Variants in MYO5C observed in about 807,000 individuals in gnomAD.
MYO5C encodes myosin VC.
MYO5C carries 194 observed loss-of-function variants against 235.7 expected under a neutral mutation model. That is an observed-to-expected ratio of 0.82 (90% CI 0.73 to 0.93). The LOEUF (loss-of-function observed/expected upper bound fraction) is 0.93. Ranked by LOEUF, MYO5C falls within the 40% of genes least tolerant of loss-of-function variation. The pLI, the probability that MYO5C is intolerant of heterozygous loss-of-function variation, is 0.00. For missense variants in MYO5C, 2,038 were observed against 2,127.2 expected (o/e 0.96, Z 0.82); for synonymous variants, 707 against 754.8 (o/e 0.94, Z 1.04).
intron 40 of MYO5C, among the ~76,000 whole-genome samples, chr15:52,195,027 A>G (rs1421947050): frequency 2.0e-5 from 3 of 152,172 alleles, no homozygotes; most frequent in Non-Finnish European, 2.9e-5. Flanking sequence ...TAGGGATTAT[A>G]TAAGAAAAAA....
chr15:52,264,228 G>T lies in MYO5C; in HGVS notation c.1009C>A (p.Gln337Lys). 1 of 1,613,932 alleles carries T rather than the reference G, an allele frequency of 6.2e-7. No individual in the cohort carries two copies. The highest frequency in any genetic ancestry group is 1.6e-4 in the Middle Eastern group (1 of 6,062). ...CTCTCGTTGCCCACCGCGGTGATCTGCACATTGCCCAGATGTAGGATGGCT... is the reference window on the plus strand; with the variant it reads ...CTCTCGTTGCCCACCGCGGTGATCTTCACATTGCCCAGATGTAGGATGGCT... ...LAAILHLGNV[Q>K]ITAVGNERSS... Residue 337 changes from glutamine (Q) to lysine (K), a missense_variant, in exon 9 of 41, where the codon CAG becomes AAG. Gln to Lys is a moderately conservative substitution (Grantham distance 53). Coordinates refer to ENST00000261839, the MANE Select transcript of MYO5C (RefSeq NM_018728.4).
At chr15:52,241,510 C>T (rs1264875131) in intron 20 of MYO5C, among the ~76,000 whole-genome samples, 7 of 152,238 alleles carry the variant, frequency 4.6e-5, no homozygotes, top group African/African-American at 1.4e-4. Context: ...CCACTCACCT[C>T]GGCCTCCCAC....
chr15:52,237,618 T>C lies in MYO5C; in HGVS notation c.2732A>G (p.Lys911Arg). ...TCGAAGAGCAGCCAGGCTAGTCAGC[T>C]TCTCCACCAGCCCATGGTTTTCTTT... ...QNKENHGLVE[K>R]LTSLAALRAG... Residue 911 changes from lysine (K) to arginine (R), a missense_variant, in exon 22 of 41, where the codon AAG becomes AGG. Lys to Arg is a conservative substitution (Grantham distance 26). Coordinates refer to ENST00000261839, the MANE Select transcript of MYO5C (RefSeq NM_018728.4). The C allele has an allele frequency of 6.2e-7, 1 of 1,613,872 alleles. No homozygotes were observed. The highest frequency in any genetic ancestry group is 8.5e-7 in the Non-Finnish European group (1 of 1,180,028).
Position 52,256,763 on chromosome 15 carries a change from G to A in MYO5C, c.1314-43C>T, listed in dbSNP as rs1187201163. On this transcript the variant is annotated intron_variant, in intron 10 of 40. Coordinates refer to ENST00000261839, the MANE Select transcript of MYO5C (RefSeq NM_018728.4). ...CAAGTTAAAATATAACCTGAAGCAA[G>A]ACATATGCATTTGTTTATAGATATT... 5 of 1,417,482 alleles carry A rather than the reference G, an allele frequency of 3.5e-6. No individual in the cohort carries two copies. In the South Asian group the frequency reaches 4.6e-5, roughly 13 times the overall value. The allele number at this position is 1,417,482 out of a possible 1,614,324, so 87.8% of individuals were successfully genotyped here.
chr15:52,265,044 T>C (rs1437924263), intron 8 of MYO5C: 1 of 152,306 alleles, frequency 6.6e-6, no homozygotes, highest in Non-Finnish European at 1.5e-5. Context: ...CTTGTATTAA[T>C]AGCTCCCCTA....
intron 14 of MYO5C, among the ~76,000 whole-genome samples, chr15:52,248,071 C>G (rs2036391352): frequency 6.6e-6 from 1 of 152,228 alleles, no homozygotes; most frequent in Non-Finnish European, 1.5e-5. Flanking sequence ...AAAGCACTTA[C>G]TACCTTCTGC....
chr15:52,217,140 G>T (rs1347358266), intron 32 of MYO5C, among the ~76,000 whole-genome samples: 1 of 152,224 alleles, frequency 6.6e-6, no homozygotes, highest in Non-Finnish European at 1.5e-5. Flanking sequence ...TTTGTGGGTA[G>T]AATCCGCCGG....
intron 21 of MYO5C, among the ~76,000 whole-genome samples, chr15:52,238,625 C>G (rs1216171453): frequency 6.6e-6 from 1 of 152,066 alleles, no homozygotes; most frequent in Non-Finnish European, 1.5e-5. Flanking sequence ...ATGGATGTTT[C>G]TTTTCTTTTC....
intron 23 of MYO5C, among the ~76,000 whole-genome samples, chr15:52,234,654 C>A (rs1566972597): frequency 6.6e-6 from 1 of 152,192 alleles, no homozygotes; most frequent in African/African-American, 2.4e-5. Flanking sequence ...ATCAGCCCTA[C>A]AGAGACAGGG....
At chr15:52,270,261 G>C (rs936707730) in intron 7 of MYO5C, among the ~76,000 whole-genome samples, 2 of 152,126 alleles carry the variant, frequency 1.3e-5, no homozygotes, top group Non-Finnish European at 2.9e-5. Context: ...CAGCCTCAGT[G>C]ACCCTGTCTC....
intron 38 of MYO5C, among the ~76,000 whole-genome samples, chr15:52,203,002 C>T (rs112769664): frequency 0.011 from 1,701 of 151,324 alleles, 38 homozygotes; most frequent in African/African-American, 0.038. Flanking sequence ...CTCACTGCAA[C>T]GTCTGCCTCC....
At position 52,218,531 on chromosome 15, in the gene MYO5C, A is replaced by G. The variant is rs1327608742; in HGVS notation, c.3942T>C (p.Thr1314=). 1 of 1,614,068 alleles carries G rather than the reference A, an allele frequency of 6.2e-7. No homozygotes were observed. Among genetic ancestry groups the G allele is most frequent in the East Asian group, 2.2e-5 (1 of 44,904 alleles). ...CNFRQEASRL[T]LENRDLEEEL... ...GAAGACTTCTCACCCTGTTTTCCAA[A>G]GTGAGCCGGGATGCTTCCTGCCGGA... Residue 1314 remains threonine, a synonymous_variant, in exon 32 of 41, where the codon ACT becomes ACC. Coordinates refer to ENST00000261839, the MANE Select transcript of MYO5C (RefSeq NM_018728.4).
intron 37 of MYO5C, 183 bp from the exon 38 acceptor site, chr15:52,205,330 T>C: frequency 1.5e-6 from 1 of 661,202 alleles, no homozygotes; most frequent in Non-Finnish European, 2.5e-6. Context: ...GGGTTAGGGA[T>C]GGACGGCTGT....
intron 22 of MYO5C, 115 bp from the exon 23 acceptor site, chr15:52,235,878 C>T (rs1053777489): frequency 6.0e-6 from 4 of 670,160 alleles, no homozygotes; most frequent in Middle Eastern, 3.9e-4. Flanking sequence ...TTTTTCTCAG[C>T]TCCTGTCTAT....
rs748902621 is a variant in MYO5C at position 52,264,191 on chromosome 15, C to G, written c.1046G>C (p.Ser349Thr). ...AAGTAAAACAAATGAGCATCTCACA[C>G]TAACTGAGGACCTCTCGTTGCCCAC... ...TAVGNERSSVSEDDSHLKVFC... is the reference protein window; with the variant it reads ...TAVGNERSSVTEDDSHLKVFC... The change falls in exon 9 of 41, where the codon AGT (serine) becomes ACT (threonine). Residue 349 changes from serine to threonine, a missense_variant and splice_region_variant. Transcript: ENST00000261839. 24 of 1,607,252 alleles carry G rather than the reference C, an allele frequency of 1.5e-5. No individual in the cohort carries two copies. In the South Asian group the frequency reaches 2.6e-4, roughly 18 times the overall value.
intron 1 of MYO5C, among the ~76,000 whole-genome samples, chr15:52,286,354 C>G (rs1202831090): frequency 2.2e-5 from 3 of 138,716 alleles, no homozygotes; most frequent in East Asian, 2.4e-4. Flanking sequence ...CCGCCCCGTC[C>G]GGGAGGTGAG....
At chr15:52,279,290 A>T (rs1286506816) in intron 3 of MYO5C, among the ~76,000 whole-genome samples, 3 of 152,166 alleles carry the variant, frequency 2.0e-5, no homozygotes, top group Non-Finnish European at 4.4e-5. Flanking sequence ...ATAAGTAATA[A>T]ATGTATGAAA....
In MYO5C at chr15:52,225,134, C is replaced by G. The variant is rs747689983; in HGVS notation, c.3306G>C (p.Lys1102Asn). The stretch of plus-strand genomic sequence containing the variant: ...GAAGTTGTTTGGTGATCTCTGACAT[C>G]TTTTCTGAAAGGGAAAGGCAGAGTT... Reference protein sequence around the residue: ...VQSQKREMREKMSEITKQLLE... With the variant: ...VQSQKREMRENMSEITKQLLE... Residue 1102 changes from lysine to asparagine, a missense_variant, in exon 27 of 41, where the codon AAG becomes AAC. By Grantham distance (94) the Lys-to-Asn change is moderately conservative. Transcript: ENST00000261839. The G allele has an allele frequency of 1.2e-6, 2 of 1,613,974 alleles. No homozygotes were observed. The highest frequency in any genetic ancestry group is 1.7e-6 in the Non-Finnish European group (2 of 1,179,970).
rs756100925 is a variant in MYO5C at position 52,278,928 on chromosome 15, C to T, written c.394G>A (p.Asp132Asn). The T allele has an allele frequency of 5.0e-6, 8 of 1,614,024 alleles. No homozygotes were observed. The highest frequency in any genetic ancestry group is 1.6e-4 in the Middle Eastern group (1 of 6,084). Residue 132 changes from aspartate (D) to asparagine (N), a missense_variant, in exon 4 of 41, where the codon GAT becomes AAT. Transcript: ENST00000261839. Reference sequence around the variant, plus strand: ...ACGGCAAATATGTGTGGGTCCATATCGCCCATGTTCTGCCCGCTGTAGGCG... The same window carrying T: ...ACGGCAAATATGTGTGGGTCCATATTGCCCATGTTCTGCCCGCTGTAGGCG... Reference protein sequence around the residue: ...IHAYSGQNMGDMDPHIFAVAE... With the variant: ...IHAYSGQNMGNMDPHIFAVAE...
Sources: gnomAD v4.1 joint callset for allele counts (sites outside exome capture counted in the v4.1 genomes callset) on GRCh38, gnomAD v4.1.1 for gene constraint, MANE v1.5 for transcripts, NCBI Gene and HGNC (gene_info 2026-07-23, HGNC 2026-07-21) for gene names.